Variants in ADAMTSL1 observed in about 807,000 individuals in gnomAD.
ADAMTSL1 encodes the protein ADAMTS like 1.
Under a neutral mutation model 201.8 loss-of-function variants are expected in ADAMTSL1, and 126 were observed. The ratio of observed to expected loss-of-function variants is 0.62; its 90% confidence interval spans 0.54 to 0.72. ADAMTSL1 has a LOEUF of 0.72. Among genes scored for constraint, ADAMTSL1 ranks in the 30% least tolerant of loss-of-function variants. The pLI is 0.00. For synonymous variants in ADAMTSL1, 1,121 were observed against 903.4 expected (o/e 1.24, Z -4.32); for missense variants, 2,679 against 2,277.8 (o/e 1.18, Z -3.59).
chr9:18,616,678 C>G (rs963219407), intron 4 of ADAMTSL1, among the ~76,000 whole-genome samples: 1 of 151,984 alleles, frequency 6.6e-6, no homozygotes, highest in Non-Finnish European at 1.5e-5. Context: ...GACCTCCCCC[C>G]ACCACATCTA....
chr9:18,654,924 G>T (rs560241294), intron 7 of ADAMTSL1, among the ~76,000 whole-genome samples: 3 of 152,370 alleles, frequency 2.0e-5, no homozygotes, highest in African/African-American at 7.2e-5. Flanking sequence ...CCAGCTCAGA[G>T]ATACACAGTA....
intron 2 of ADAMTSL1, among the ~76,000 whole-genome samples, chr9:18,180,836 T>C (rs1828436740): frequency 6.6e-6 from 1 of 152,156 alleles, no homozygotes; most frequent in Non-Finnish European, 1.5e-5. Context: ...AAGTCAATCC[T>C]AAGGCAAAAG....
chr9:18,019,576 C>T (rs1256716715), intron 1 of ADAMTSL1, among the ~76,000 whole-genome samples: 1 of 152,052 alleles, frequency 6.6e-6, no homozygotes, highest in African/African-American at 2.4e-5. Flanking sequence ...GACTGTGTCT[C>T]TCAGCCATCT....
intron 23 of ADAMTSL1, among the ~76,000 whole-genome samples, chr9:18,849,910 C>G (rs543126246): frequency 1.3e-5 from 2 of 152,212 alleles, no homozygotes; most frequent in Admixed American, 6.5e-5. Context: ...GCAGAAAGCT[C>G]TATACATACA....
At chr9:18,174,330 T>C (rs1343094417) in intron 2 of ADAMTSL1, among the ~76,000 whole-genome samples, 1 of 152,116 alleles carries the variant, frequency 6.6e-6, no homozygotes, top group East Asian at 1.9e-4. Context: ...GGAGGCACCA[T>C]CCATCAGTAG....
intron 19 of ADAMTSL1, among the ~76,000 whole-genome samples, chr9:18,789,129 A>G (rs143788500): frequency 3.7e-4 from 57 of 152,226 alleles, no homozygotes; most frequent in Non-Finnish European, 6.0e-4. Context: ...TCATTTCCCC[A>G]TGTCTTCACG....
chr9:18,131,924 A>G (rs1319512893), intron 1 of ADAMTSL1, among the ~76,000 whole-genome samples: 1 of 124,204 alleles, frequency 8.1e-6, no homozygotes, highest in African/African-American at 2.6e-5. Context: ...CACTTCCTTC[A>G]TAGTTCAGGA....
At chr9:18,341,561 G>A (rs940766401) in intron 2 of ADAMTSL1, among the ~76,000 whole-genome samples, 1 of 152,000 alleles carries the variant, frequency 6.6e-6, no homozygotes, top group Non-Finnish European at 1.5e-5. Context: ...CTATATGATG[G>A]CACTTATTGC....
At chr9:18,825,044 T>C (rs994552938) in intron 21 of ADAMTSL1, among the ~76,000 whole-genome samples, 5 of 152,084 alleles carry the variant, frequency 3.3e-5, no homozygotes, top group African/African-American at 1.2e-4. Flanking sequence ...GTGAGTTCTA[T>C]AAATAAACTG....
chr9:18,624,101 C>A (rs1826207402), intron 5 of ADAMTSL1, among the ~76,000 whole-genome samples: 1 of 152,138 alleles, frequency 6.6e-6, no homozygotes, highest in African/African-American at 2.4e-5. Context: ...CTTACAAACA[C>A]ATGAAAAATT....
At chr9:18,591,132 C>T (rs1823886042) in intron 4 of ADAMTSL1, among the ~76,000 whole-genome samples, 1 of 152,044 alleles carries the variant, frequency 6.6e-6, no homozygotes, top group South Asian at 2.1e-4. Flanking sequence ...GGGTGCCCTA[C>T]TATTTTTGTA....
At chr9:18,408,146 A>C (rs1478767049) in intron 2 of ADAMTSL1, among the ~76,000 whole-genome samples, 1 of 152,158 alleles carries the variant, frequency 6.6e-6, no homozygotes, top group African/African-American at 2.4e-5. Context: ...TCAAGCTGAG[A>C]GGAACAGCTA....
intron 23 of ADAMTSL1, among the ~76,000 whole-genome samples, chr9:18,843,930 A>G (rs1283808064): frequency 6.6e-6 from 1 of 152,052 alleles, no homozygotes; most frequent in Admixed American, 6.5e-5. Flanking sequence ...CTAGTTATAC[A>G]TTCGTGTAAA....
At chr9:18,688,118 GTATATA>G (rs71333061) in intron 13 of ADAMTSL1, among the ~76,000 whole-genome samples, 15 of 142,696 alleles carry the variant, frequency 1.1e-4, no homozygotes, top group Admixed American at 9.8e-4. Context: ...ATGTATGTAT[GTATATA>G]TATATATATA....
At chr9:18,576,827 T>A (rs1432758885) in intron 4 of ADAMTSL1, among the ~76,000 whole-genome samples, 1 of 148,698 alleles carries the variant, frequency 6.7e-6, no homozygotes. Flanking sequence ...AGGTACTTTA[T>A]TTTTTTTTCA....
At chr9:17,954,664 T>C (rs1234568458) in intron 1 of ADAMTSL1, among the ~76,000 whole-genome samples, 1 of 152,110 alleles carries the variant, frequency 6.6e-6, no homozygotes, top group Non-Finnish European at 1.5e-5. Flanking sequence ...GCCTATGAAA[T>C]ATTTGCTGTC....
intron 17 of ADAMTSL1, 38 bp from the exon 18 acceptor site, chr9:18,775,705 C>T (rs1217168961): frequency 1.2e-6 from 2 of 1,602,824 alleles, no homozygotes; most frequent in Non-Finnish European, 1.7e-6. Context: ...TTCTAGTTCC[C>T]AGAATTTATG....
chr9:18,627,221 A>C (rs1403384030), intron 5 of ADAMTSL1, among the ~76,000 whole-genome samples: 1 of 152,110 alleles, frequency 6.6e-6, no homozygotes, highest in African/African-American at 2.4e-5. Context: ...GCCTCAAGTG[A>C]TCTGCCCACC....
At chr9:18,083,214 T>C (rs1011840285) in intron 1 of ADAMTSL1, among the ~76,000 whole-genome samples, 3 of 152,198 alleles carry the variant, frequency 2.0e-5, no homozygotes, top group African/African-American at 7.2e-5. Flanking sequence ...ATTGAAACAG[T>C]GATAGGCTGG....
Sources: gnomAD v4.1 joint callset for allele counts (sites outside exome capture counted in the v4.1 genomes callset) on GRCh38, gnomAD v4.1.1 for gene constraint, MANE v1.5 for transcripts, NCBI Gene and HGNC (gene_info 2026-07-23, HGNC 2026-07-21) for gene names.